The following DCDC2C variants were observed in gnomAD, a reference collection of about 807,000 sequenced individuals.
The protein encoded by DCDC2C is doublecortin domain-containing protein 2C.
A neutral mutation model predicts 45.0 loss-of-function variants in DCDC2C; 44 were observed. The observed-to-expected ratio is 0.98, with a 90% CI of 0.77 to 1.26. The LOEUF is 1.26. DCDC2C is among the 50% of genes most tolerant of loss of function. The probability of loss-of-function intolerance (pLI) is 0.00; values close to 1 mark genes in which losing one functional copy is unlikely to be tolerated. For missense variants in DCDC2C, 447 were observed against 468.9 expected (o/e 0.95, Z 0.43); for synonymous variants, 187 against 178.8 (o/e 1.05, Z -0.37).
At chr2:3,829,493 G>A (rs913445512) in intron 10 of DCDC2C, among the ~76,000 whole-genome samples, 2 of 151,982 alleles carry the variant, frequency 1.3e-5, no homozygotes, top group African/African-American at 2.4e-5. Context: ...TTGCCTGCCC[G>A]ACCTGCCTTT....
At chr2:3,847,012 TCCC>T in intron 10 of DCDC2C, 139 bp from the exon 11 acceptor site, 1 of 343,818 alleles carries the variant, frequency 2.9e-6, no homozygotes, top group Non-Finnish European at 5.1e-6. Context: ...AGGTCCCAGG[TCCC>T]ACCCCACCCC....
At position 3,727,096 on chromosome 2, in the gene DCDC2C, G is replaced by C. The variant is rs1216923622; in HGVS notation, c.416+17G>C. Reference sequence around the variant, plus strand: ...ACATATAAAGTGAGTATAATATTATGGGTGAAAAAATCAAACTGTGCCATA... The same window carrying C: ...ACATATAAAGTGAGTATAATATTATCGGTGAAAAAATCAAACTGTGCCATA... On this transcript the variant is annotated intron_variant, in intron 3 of 10. Coordinates refer to ENST00000399143, the MANE Select transcript of DCDC2C (RefSeq NM_001287444.2). 6.5e-7 allele frequency: 1 copy of C among 1,539,968 alleles called. No individual in the cohort carries two copies. The highest frequency in any genetic ancestry group is 8.8e-7 in the Non-Finnish European group (1 of 1,138,370).
intron 10 of DCDC2C, among the ~76,000 whole-genome samples, chr2:3,790,239 A>G (rs1395375694): frequency 2.0e-5 from 3 of 152,216 alleles, no homozygotes; most frequent in Non-Finnish European, 4.4e-5. Context: ...TTGATTTGCT[A>G]CTAGCTATTA....
rs888392421 is a variant in DCDC2C, at chr2:3,769,443, C to T, written c.954+32C>T. On this transcript the variant is annotated intron_variant, in intron 8 of 10. Coordinates refer to ENST00000399143, the MANE Select transcript of DCDC2C (RefSeq NM_001287444.2). ...GTCCGGGGTCCGATGTCCATGCCGTCTTCACTCCATTCCATCAGCTCCTGC... is the reference window on the plus strand; with the variant it reads ...GTCCGGGGTCCGATGTCCATGCCGTTTTCACTCCATTCCATCAGCTCCTGC... 19 of 1,533,888 alleles carry T rather than the reference C, an allele frequency of 1.2e-5. No individual in the cohort carries two copies. In the East Asian group the frequency reaches 4.7e-4, roughly 38 times the overall value.
intron 10 of DCDC2C, among the ~76,000 whole-genome samples, chr2:3,788,806 C>CCTTCCTCT (rs1200676289): frequency 6.9e-5 from 10 of 144,618 alleles, no homozygotes; most frequent in Admixed American, 1.4e-4. Context: ...TCCTTCCCTC[C>CCTTCCTCT]CTTCCTCCCT....
At chr2:3,802,812 T>C (rs1437090200) in intron 10 of DCDC2C, among the ~76,000 whole-genome samples, 2 of 152,164 alleles carry the variant, frequency 1.3e-5, no homozygotes, top group African/African-American at 2.4e-5. Flanking sequence ...CATTTTCCTC[T>C]CAAAAGTCTT....
rs147032989 is a variant in DCDC2C at position 3,768,443 on chromosome 2, G to A, written c.853+563G>A. On this transcript the variant is annotated intron_variant, in intron 7 of 10. Transcript: ENST00000399143. ...TCTCATGTATGGATACTTAGTGAGAGACTGTGAGTGGTGTGGCTGGTTATG... is the reference window on the plus strand; with the variant it reads ...TCTCATGTATGGATACTTAGTGAGAAACTGTGAGTGGTGTGGCTGGTTATG... Among the ~76,000 whole-genome samples, 10 of 152,364 alleles carry A rather than the reference G, an allele frequency of 6.6e-5. No individual in the cohort carries two copies. The East Asian group carries it at 1.7e-3, about 26-fold the overall frequency.
intron 2 of DCDC2C, among the ~76,000 whole-genome samples, chr2:3,725,490 G>GTGA (rs1558564562): frequency 1.1e-5 from 1 of 88,400 alleles, no homozygotes; most frequent in Non-Finnish European, 2.5e-5. Context: ...AGGAAGACGA[G>GTGA]CAGAGAGGGA....
chr2:3,704,711 G>GA (rs1234968003), intron 1 of DCDC2C, among the ~76,000 whole-genome samples: 1 of 81,324 alleles, frequency 1.2e-5, no homozygotes, highest in Non-Finnish European at 2.5e-5. Flanking sequence ...GGAGGGGGAG[G>GA]GGGGAGGGGC....
chr2:3,816,893 G>A (rs1441937852), intron 10 of DCDC2C, among the ~76,000 whole-genome samples: 1 of 152,204 alleles, frequency 6.6e-6, no homozygotes, highest in Non-Finnish European at 1.5e-5. Flanking sequence ...ATTTCCTTGA[G>A]GATAGATTTC....
chr2:3,752,736 T>C lies in DCDC2C; in HGVS notation c.546-27T>C, dbSNP rs1669578900. 5 of 1,549,912 alleles carry C rather than the reference T, an allele frequency of 3.2e-6. No homozygotes were observed. The South Asian group carries it at 4.8e-5, about 15-fold the overall frequency. On this transcript the variant is annotated intron_variant, in intron 4 of 10. Transcript: ENST00000399143. ...TATGCTACTGGTCCTCAAGTCTCTA[T>C]CTCATTTCTTCTTTCTGTTTTTACA...
chr2:3,845,027 A>T (rs1672295066), intron 10 of DCDC2C, among the ~76,000 whole-genome samples: 1 of 152,232 alleles, frequency 6.6e-6, no homozygotes, highest in African/African-American at 2.4e-5. Flanking sequence ...CGATATAGGT[A>T]TATATATGCC....
chr2:3,827,017 T>C (rs1038194222), intron 10 of DCDC2C, among the ~76,000 whole-genome samples: 5 of 152,082 alleles, frequency 3.3e-5, no homozygotes, highest in African/African-American at 1.2e-4. Flanking sequence ...GACCTGAATG[T>C]TCTTCCTCTT....
rs1668710092 is a variant in DCDC2C, at chr2:3,727,067, C to T, written c.404C>T (p.Ser135Phe). 6 of 1,549,428 alleles carry T rather than the reference C, an allele frequency of 3.9e-6. No homozygotes were observed. The highest frequency in any genetic ancestry group is 1.4e-5 in the African/African-American group (1 of 73,004). ...AAGTGGCAAACATATCATCGTATAT[C>T]TCGACATATAAAGTGAGTATAATAT... Reference protein sequence around the residue: ...PSKWQTYHRISRHINVFTNGR... With the variant: ...PSKWQTYHRIFRHINVFTNGR... The change falls in exon 3 of 11, where the codon TCT (serine) becomes TTT (phenylalanine). Residue 135 changes from serine to phenylalanine, a missense_variant. Coordinates refer to ENST00000399143, the MANE Select transcript of DCDC2C (RefSeq NM_001287444.2).
intron 1 of DCDC2C, among the ~76,000 whole-genome samples, chr2:3,706,311 C>T (rs572585043): frequency 7.2e-5 from 11 of 152,282 alleles, no homozygotes; most frequent in Admixed American, 3.9e-4. Flanking sequence ...CAAACACCAA[C>T]AAATCTATCC....
chr2:3,781,152 G>C (rs1420433683), intron 9 of DCDC2C, among the ~76,000 whole-genome samples: 1 of 152,212 alleles, frequency 6.6e-6, no homozygotes, highest in Non-Finnish European at 1.5e-5. Flanking sequence ...CTCAAGAAGA[G>C]CAAGCGTTTT....
chr2:3,738,539 G>GA (rs752819998), intron 3 of DCDC2C, among the ~76,000 whole-genome samples: 22,141 of 55,080 alleles, frequency 0.4, 6,840 homozygotes, highest in East Asian at 0.77. Flanking sequence ...GGTCTATCTG[G>GA]GAAAAAAAAA....
At position 3,813,054 on chromosome 2, in the gene DCDC2C, TA is replaced by T. The variant is rs1228051691; in HGVS notation, c.1065+27955del. Among the ~76,000 whole-genome samples, 743 of 97,260 alleles carry T rather than the reference TA, an allele frequency of 7.6e-3. 13 individuals carry two copies. The highest frequency in any genetic ancestry group is 9.2e-3 in the Non-Finnish European group (480 of 52,326). 63.8% of individuals were successfully genotyped at this position (97,260 alleles called of 152,430 possible). A position where few individuals can be genotyped will look rare whatever the true frequency, so the allele number is the denominator to read the frequency against. ...TGAGAAGAACGTATATATATATATA[TA>T]TATATATATATATTTTTTTTTTTTT... On this transcript the variant is annotated intron_variant, in intron 10 of 10. Transcript: ENST00000399143.
chr2:3,780,301 G>A (rs10191674), intron 9 of DCDC2C, among the ~76,000 whole-genome samples: 51,993 of 151,942 alleles, frequency 0.34, 8,965 homozygotes, highest in South Asian at 0.45. Flanking sequence ...ACAGCGATAT[G>A]ATCCAGGCCT....
Sources: allele counts gnomAD v4.1 joint callset (sites outside exome capture counted in the v4.1 genomes callset), GRCh38; gene constraint gnomAD v4.1.1; transcripts MANE v1.5; gene names NCBI Gene and HGNC (gene_info 2026-07-23, HGNC 2026-07-21).